Variants in TNS3 observed in about 807,000 individuals in gnomAD.
TNS3 encodes tensin-3.
A neutral mutation model predicts 140.9 loss-of-function variants in TNS3; 45 were observed. That is an observed-to-expected ratio of 0.32 (90% CI 0.25 to 0.41). TNS3 has a LOEUF of 0.41. Ranked by LOEUF, TNS3 falls within the 10% of genes least tolerant of loss-of-function variation. The pLI, the probability that TNS3 is intolerant of heterozygous loss-of-function variation, is 1.00. For synonymous variants in TNS3, 815 were observed against 788.4 expected, an observed-to-expected ratio of 1.03 and a Z score of -0.56; for missense variants, 1,716 against 1,906.7, an observed-to-expected ratio of 0.90 and a Z score of 1.86.
intron 3 of TNS3, among the ~76,000 whole-genome samples, chr7:47,493,466 T>C (rs542642665): frequency 3.6e-4 from 55 of 151,394 alleles, no homozygotes; most frequent in African/African-American, 1.3e-3. Context: ...TTGGCAAGAG[T>C]GTTTAACAAT....
intron 4 of TNS3, among the ~76,000 whole-genome samples, chr7:47,478,538 TAAC>T (rs1450930545): frequency 1.3e-5 from 2 of 152,208 alleles, no homozygotes; most frequent in South Asian, 2.1e-4. Context: ...CTCAGATATA[TAAC>T]AACTACATTA....
intron 20 of TNS3, among the ~76,000 whole-genome samples, chr7:47,327,337 G>A (rs1171113237): frequency 8.5e-5 from 13 of 152,216 alleles, no homozygotes; most frequent in Middle Eastern, 3.2e-3. Context: ...AACCACAGAA[G>A]AGACAACAGT....
intron 4 of TNS3, among the ~76,000 whole-genome samples, chr7:47,467,452 G>A (rs530215481): frequency 2.0e-5 from 3 of 152,094 alleles, no homozygotes; most frequent in East Asian, 1.9e-4. Flanking sequence ...TGATACTCTC[G>A]GGAAAGTGCA....
chr7:47,327,935 TAGGGACTGAGC>T (rs1257897864), intron 20 of TNS3, among the ~76,000 whole-genome samples: 4 of 152,234 alleles, frequency 2.6e-5, no homozygotes, highest in Non-Finnish European at 5.9e-5. Flanking sequence ...ACCAGGCGTG[TAGGGACTGAGC>T]AGGAAGAAGC....
At chr7:47,428,254 C>T in intron 9 of TNS3, 58 bp downstream of exon 9, 1 of 1,264,146 alleles carries the variant, frequency 7.9e-7, no homozygotes, top group Admixed American at 3.0e-5. Context: ...CAGCCTTCAG[C>T]CCCATGCAGG....
At chr7:47,419,282 G>C (rs1391459127) in intron 10 of TNS3, among the ~76,000 whole-genome samples, 1 of 152,232 alleles carries the variant, frequency 6.6e-6, no homozygotes, top group African/African-American at 2.4e-5. Flanking sequence ...CAGGCAAAGT[G>C]TGTGGCTCCC....
chr7:47,334,657 T>G, intron 20 of TNS3, among the ~76,000 whole-genome samples: 1 of 142,910 alleles, frequency 7.0e-6, no homozygotes, highest in African/African-American at 2.6e-5. Context: ...CAGGCTGCAG[T>G]ACAGTGGTGC....
intron 17 of TNS3, among the ~76,000 whole-genome samples, chr7:47,351,801 C>T (rs1751182238): frequency 6.6e-6 from 1 of 152,160 alleles, no homozygotes; most frequent in South Asian, 2.1e-4. Context: ...GGTTACAAAA[C>T]GGGCTCCTGT....
At chr7:47,509,111 A>G (rs145310311) in intron 2 of TNS3, among the ~76,000 whole-genome samples, 1 of 152,350 alleles carries the variant, frequency 6.6e-6, no homozygotes, top group African/African-American at 2.4e-5. Flanking sequence ...CGCCAACTCA[A>G]CACAAAAAAA....
intron 20 of TNS3, among the ~76,000 whole-genome samples, chr7:47,340,269 C>T (rs1303474120): frequency 2.0e-5 from 3 of 150,670 alleles, no homozygotes; most frequent in South Asian, 2.1e-4. Flanking sequence ...ATTACAGGCA[C>T]GCACTGCCAC....
At chr7:47,316,270 A>G (rs1380710895) in intron 20 of TNS3, among the ~76,000 whole-genome samples, 1 of 152,118 alleles carries the variant, frequency 6.6e-6, no homozygotes, top group Non-Finnish European at 1.5e-5. Flanking sequence ...TCCTTCTTCC[A>G]TTACATTTCT....
intron 2 of TNS3, among the ~76,000 whole-genome samples, chr7:47,514,206 G>T (rs1241988274): frequency 6.6e-6 from 1 of 152,214 alleles, no homozygotes; most frequent in Non-Finnish European, 1.5e-5. Flanking sequence ...CACAGCGGGG[G>T]ACCGCCAGAC....
intron 20 of TNS3, among the ~76,000 whole-genome samples, chr7:47,314,117 C>T (rs1787258265): frequency 6.6e-6 from 1 of 152,214 alleles, no homozygotes; most frequent in Non-Finnish European, 1.5e-5. Context: ...AGCTCAATGC[C>T]ACAGCAATTA....
intron 17 of TNS3, among the ~76,000 whole-genome samples, chr7:47,357,428 AG>A (rs1790056407): frequency 6.6e-6 from 1 of 152,218 alleles, no homozygotes; most frequent in African/African-American, 2.4e-5. Flanking sequence ...AAAAGGAGGC[AG>A]GGTGGCATGA....
At chr7:47,329,155 C>A (rs990332072) in intron 20 of TNS3, among the ~76,000 whole-genome samples, 5 of 152,164 alleles carry the variant, frequency 3.3e-5, no homozygotes, top group African/African-American at 1.2e-4. Context: ...AGGGGCCTGT[C>A]ATGTGTCTGG....
chr7:47,466,208 A>C (rs1408863219), intron 4 of TNS3, among the ~76,000 whole-genome samples: 2 of 149,636 alleles, frequency 1.3e-5, no homozygotes, highest in African/African-American at 2.5e-5. Context: ...GCTGGAGTGC[A>C]GTGGTACAAT....
At chr7:47,371,687 G>T (rs932288448) in intron 16 of TNS3, among the ~76,000 whole-genome samples, 1 of 150,308 alleles carries the variant, frequency 6.7e-6, no homozygotes. Flanking sequence ...GGAAAGACTG[G>T]ACTAAACTAT....
chr7:47,466,963 C>A (rs897952022), intron 4 of TNS3, among the ~76,000 whole-genome samples: 8 of 152,180 alleles, frequency 5.3e-5, no homozygotes, highest in Admixed American at 5.2e-4. Context: ...CCTACATCCC[C>A]CAAAGGTAAC....
At chr7:47,293,644 G>T in intron 25 of TNS3, 89 bp downstream of exon 25, 1 of 1,129,910 alleles carries the variant, frequency 8.9e-7, no homozygotes, top group Non-Finnish European at 1.3e-6. Context: ...CACCATAAGA[G>T]TGATAGTCCC....
Sources: gnomAD v4.1 joint callset for allele counts (sites outside exome capture counted in the v4.1 genomes callset) on GRCh38, gnomAD v4.1.1 for gene constraint, MANE v1.5 for transcripts, NCBI Gene and HGNC (gene_info 2026-07-23, HGNC 2026-07-21) for gene names.